The following RGPD4 variants were observed in gnomAD, a reference collection of about 807,000 sequenced individuals.
The protein encoded by RGPD4 is RANBP2 like and GRIP domain containing 4.
A neutral mutation model predicts 141.1 loss-of-function variants in RGPD4; 84 were observed. The ratio of observed to expected loss-of-function variants is 0.60; its 90% confidence interval spans 0.50 to 0.71. RGPD4 has a LOEUF of 0.71. Ranked by LOEUF, RGPD4 falls within the 30% of genes least tolerant of loss-of-function variation. The pLI is 0.00. For missense variants in RGPD4, 918 were observed against 1,622.4 expected, an observed-to-expected ratio of 0.57 and a Z score of 7.46; for synonymous variants, 298 against 566.8, an observed-to-expected ratio of 0.53 and a Z score of 6.74.
intron 17 of RGPD4, among the ~76,000 whole-genome samples, chr2:107,865,449 A>G (rs1682694294): frequency 7.1e-6 from 1 of 139,868 alleles, no homozygotes; most frequent in South Asian, 2.4e-4. Context: ...ATTGCAGTGT[A>G]GAAAGAACAC....
intron 21 of RGPD4, 53 bp downstream of exon 21, chr2:107,880,160 C>A (rs571557748): frequency 6.2e-7 from 1 of 1,610,904 alleles, no homozygotes; most frequent in Non-Finnish European, 8.5e-7. Context: ...GTTTTCTGGA[C>A]CCTCCATACA....
chr2:107,835,495 C>G (rs1391015832), intron 1 of RGPD4, among the ~76,000 whole-genome samples: 1 of 147,066 alleles, frequency 6.8e-6, no homozygotes, highest in Admixed American at 6.9e-5. Context: ...CTGTAAAATA[C>G]TGATCTGATC....
chr2:107,829,728 C>T (rs562553299), intron 1 of RGPD4, among the ~76,000 whole-genome samples: 35 of 152,210 alleles, frequency 2.3e-4, no homozygotes, highest in Non-Finnish European at 4.0e-4. Flanking sequence ...GGCGCTTCCT[C>T]TTTCTCCCGG....
At chr2:107,845,886 T>C (rs1681922065) in intron 6 of RGPD4, among the ~76,000 whole-genome samples, 1 of 147,988 alleles carries the variant, frequency 6.8e-6, no homozygotes, top group African/African-American at 2.5e-5. Flanking sequence ...ATTTTTGTAT[T>C]TTTAGTAGAA....
rs866390209 is a variant in RGPD4 at position 107,827,585 on chromosome 2, C to T, written c.72+500C>T. On this transcript the variant is annotated intron_variant, in intron 1 of 22. Transcript: ENST00000408999. Reference sequence around the variant, plus strand: ...TCCCTGGCGCGCTCTGTTGAGGCGGCGGCCTCGACCTGGCCCGGCGGCGGC... The same window carrying T: ...TCCCTGGCGCGCTCTGTTGAGGCGGTGGCCTCGACCTGGCCCGGCGGCGGC... Among the ~76,000 whole-genome samples the T allele has an allele frequency of 7.2e-5, 4 of 55,850 alleles. 1 individual carries two copies. The highest frequency in any genetic ancestry group is 1.0e-4 in the Non-Finnish European group (3 of 28,636). 36.6% of individuals were successfully genotyped at this position (55,850 alleles called of 152,430 possible). A position where few individuals can be genotyped will look rare whatever the true frequency, so the allele number is the denominator to read the frequency against.
intron 22 of RGPD4, 142 bp from the exon 23 acceptor site, chr2:107,890,579 C>G (rs1182684463): frequency 1.9e-5 from 2 of 102,946 alleles, no homozygotes; most frequent in Non-Finnish European, 1.8e-5. Flanking sequence ...AAAAAGAACC[C>G]CCCCCCCCCA....
Position 107,869,911 on chromosome 2 carries a change from T to C in RGPD4, c.2634T>C (p.Tyr878=), listed in dbSNP as rs746867216. 3 of 1,487,858 alleles carry C rather than the reference T, an allele frequency of 2.0e-6. No homozygotes were observed. Among genetic ancestry groups the C allele is most frequent in the South Asian group, 1.3e-5 (1 of 79,500 alleles). 92.2% of individuals were successfully genotyped at this position (1,487,858 alleles called of 1,614,324 possible). ...TVATTGPSVY[Y]SQSPAYNSQY... is the part of the protein sequence containing the mutation. Reference sequence around the variant, plus strand: ...CAACTACTGGCCCTTCAGTATATTATAGTCAGTCACCAGCATATAATTCCC... The same window carrying C: ...CAACTACTGGCCCTTCAGTATATTACAGTCAGTCACCAGCATATAATTCCC... The change falls in exon 19 of 23, where the codon TAT becomes TAC. Residue 878 remains tyrosine, a synonymous_variant. Coordinates refer to ENST00000408999, the MANE Select transcript of RGPD4 (RefSeq NM_182588.3).
intron 1 of RGPD4, among the ~76,000 whole-genome samples, chr2:107,830,051 T>A (rs1681423752): frequency 6.6e-6 from 1 of 151,882 alleles, no homozygotes; most frequent in Non-Finnish European, 1.5e-5. Context: ...ACACGGAAAG[T>A]CCCCTTGTTT....
chr2:107,827,700 C>T (rs1328650663), intron 1 of RGPD4, among the ~76,000 whole-genome samples: 2 of 63,206 alleles, frequency 3.2e-5, no homozygotes, highest in South Asian at 5.8e-4. Context: ...TGGGCGGCGG[C>T]GGCCTGGACC....
At chr2:107,890,671 G>A (rs1675633284) in intron 22 of RGPD4, 50 bp from the exon 23 acceptor site, 1 of 1,510,262 alleles carries the variant, frequency 6.6e-7, no homozygotes, top group South Asian at 1.2e-5. Context: ...TTTACATTGA[G>A]AAATTTTAAT....
intron 1 of RGPD4, among the ~76,000 whole-genome samples, chr2:107,828,808 G>C (rs1573455003): frequency 4.6e-5 from 1 of 21,938 alleles, no homozygotes; most frequent in African/African-American, 2.6e-4. Flanking sequence ...GCGCTCTGTT[G>C]AGGCGGCGGC....
chr2:107,828,722 C>A (rs1353440573), intron 1 of RGPD4, among the ~76,000 whole-genome samples: 1 of 32,482 alleles, frequency 3.1e-5, no homozygotes, highest in African/African-American at 1.6e-4. Context: ...GGCCGGGCGG[C>A]GGCGGCCTCG....
At chr2:107,884,113 G>A (rs1014329476) in intron 22 of RGPD4, among the ~76,000 whole-genome samples, 22 of 151,288 alleles carry the variant, frequency 1.5e-4, no homozygotes, top group African/African-American at 5.4e-4. Flanking sequence ...TTTTGTTGTT[G>A]TGTTTTTGTT....
intron 20 of RGPD4, among the ~76,000 whole-genome samples, chr2:107,874,198 T>G (rs1361096265): frequency 6.6e-6 from 1 of 151,644 alleles, no homozygotes; most frequent in Non-Finnish European, 1.5e-5. Context: ...TATTCACATG[T>G]AGTGGCAACG....
intron 6 of RGPD4, among the ~76,000 whole-genome samples, chr2:107,847,080 A>C (rs1214191944): frequency 6.7e-6 from 1 of 149,916 alleles, no homozygotes; most frequent in African/African-American, 2.5e-5. Flanking sequence ...GTCTCTACTA[A>C]AAATACAAAA....
chr2:107,834,432 T>G (rs1340042994), intron 1 of RGPD4, among the ~76,000 whole-genome samples: 2 of 151,836 alleles, frequency 1.3e-5, no homozygotes, highest in Non-Finnish European at 2.9e-5. Flanking sequence ...CAAACAGTTC[T>G]GAATAACATG....
Position 107,871,482 on chromosome 2 carries a change from T to C in RGPD4, c.3478T>C (p.Phe1160Leu), listed in dbSNP as rs755003613. The C allele has an allele frequency of 5.3e-6, 5 of 948,696 alleles. No individual in the cohort carries two copies. The East Asian group carries it at 1.2e-4, about 22-fold the overall frequency. 58.8% of individuals were successfully genotyped at this position (948,696 alleles called of 1,614,324 possible). Reference sequence around the variant, plus strand: ...TAAAACACCAGAGCTGGCTGAAGAATTCAAGCAGAAATTTGAGGAATGCCA... The same window carrying C: ...TAAAACACCAGAGCTGGCTGAAGAACTCAAGCAGAAATTTGAGGAATGCCA... ...KFKTPELAEE[F>L]KQKFEECQQL... The change falls in exon 20 of 23, where the codon TTC (phenylalanine) becomes CTC (leucine). Residue 1160 changes from phenylalanine to leucine, a missense_variant. By Grantham distance (22) the Phe-to-Leu change is conservative. Coordinates refer to ENST00000408999, the MANE Select transcript of RGPD4 (RefSeq NM_182588.3).
rs972804069 is a variant in RGPD4, at chr2:107,874,230, G to A, written c.4924+1302G>A. Among the ~76,000 whole-genome samples, 56 of 151,676 alleles carry A rather than the reference G, an allele frequency of 3.7e-4. 1 individual carries two copies. The South Asian group carries it at 0.011, about 30-fold the overall frequency. ...AACGGCATGTATACAGTATGGAAGA[G>A]TGTCCCTGTAGGGCTGTTCTTTTGT... On this transcript the variant is annotated intron_variant, in intron 20 of 22. Transcript: ENST00000408999.
intron 1 of RGPD4, among the ~76,000 whole-genome samples, chr2:107,830,725 G>T (rs1401517543): frequency 6.6e-6 from 1 of 152,032 alleles, no homozygotes; most frequent in Non-Finnish European, 1.5e-5. Context: ...CAGTGGCTGT[G>T]AAGAATATGA....
Sources: allele counts gnomAD v4.1 joint callset (sites outside exome capture counted in the v4.1 genomes callset), GRCh38; gene constraint gnomAD v4.1.1; transcripts MANE v1.5; gene names NCBI Gene and HGNC (gene_info 2026-07-23, HGNC 2026-07-21).